The following CNTNAP2 variants were observed in gnomAD, a reference collection of about 807,000 sequenced individuals.
The protein encoded by CNTNAP2 is contactin associated protein 2.
CNTNAP2 carries 98 observed loss-of-function variants against 155.2 expected under a neutral mutation model. The ratio of observed to expected loss-of-function variants is 0.63; its 90% CI spans 0.54 to 0.75. The LOEUF is 0.75. CNTNAP2 is among the 30% of genes least tolerant of loss of function. The pLI is 0.00. For synonymous variants in CNTNAP2, 651 were observed against 631.2 expected, an observed-to-expected ratio of 1.03 and a Z score of -0.47; for missense variants, 1,727 against 1,688.1, an observed-to-expected ratio of 1.02 and a Z score of -0.40.
At chr7:146,295,764 T>A (rs1169552787) in intron 1 of CNTNAP2, among the ~76,000 whole-genome samples, 3 of 151,810 alleles carry the variant, frequency 2.0e-5, no homozygotes, top group African/African-American at 4.8e-5. Flanking sequence ...CAGAAATAAT[T>A]GTTAAAAATG....
chr7:147,756,752 T>C (rs1347057174), intron 13 of CNTNAP2, among the ~76,000 whole-genome samples: 2 of 152,206 alleles, frequency 1.3e-5, no homozygotes, highest in African/African-American at 4.8e-5. Flanking sequence ...AGGCAGGAAA[T>C]CATTTTCTAG....
At chr7:148,367,976 T>C (rs1456561489) in intron 21 of CNTNAP2, among the ~76,000 whole-genome samples, 1 of 152,080 alleles carries the variant, frequency 6.6e-6, no homozygotes, top group African/African-American at 2.4e-5. Flanking sequence ...ACAGCGAGCA[T>C]TGTCAGAGCT....
intron 18 of CNTNAP2, among the ~76,000 whole-genome samples, chr7:148,185,429 A>G (rs956041617): frequency 6.6e-6 from 1 of 152,212 alleles, no homozygotes; most frequent in Non-Finnish European, 1.5e-5. Context: ...TGAGTATCTT[A>G]TAGAGTTTCA....
At chr7:147,798,848 A>G (rs966791627) in intron 13 of CNTNAP2, among the ~76,000 whole-genome samples, 2 of 152,212 alleles carry the variant, frequency 1.3e-5, no homozygotes, top group Non-Finnish European at 1.5e-5. Flanking sequence ...AACACTGAAC[A>G]TAGTAACTGA....
rs75995017 is a variant in CNTNAP2, at chr7:148,411,847, A to T, written c.3796+2376A>T. On this transcript the variant is annotated intron_variant, in intron 23 of 23. Coordinates refer to ENST00000361727, the MANE Select transcript of CNTNAP2 (RefSeq NM_014141.6). ...CTTGGCACTTTTGTTAAAGCAACTGACATATGTGTGTGTGTGTGTGTGTGT... is the reference window on the plus strand; with the variant it reads ...CTTGGCACTTTTGTTAAAGCAACTGTCATATGTGTGTGTGTGTGTGTGTGT... Among the ~76,000 whole-genome samples the T allele has an allele frequency of 8.6e-4, 116 of 134,150 alleles. 1 individual carries two copies. The East Asian group carries it at 0.021, about 24-fold the overall frequency. The allele number at this position is 134,150 out of a possible 152,430, so 88.0% of individuals were successfully genotyped here. A position where few individuals can be genotyped will look rare whatever the true frequency, so the allele number is the denominator to read the frequency against.
At chr7:146,575,018 G>T in intron 1 of CNTNAP2, among the ~76,000 whole-genome samples, 1 of 152,092 alleles carries the variant, frequency 6.6e-6, no homozygotes, top group East Asian at 1.9e-4. Context: ...GTCAGAGATT[G>T]ATAAGTTTTG....
intron 23 of CNTNAP2, among the ~76,000 whole-genome samples, chr7:148,411,413 G>A (rs553968926): frequency 4.6e-5 from 7 of 152,164 alleles, no homozygotes; most frequent in South Asian, 2.1e-4. Context: ...CTACAGGCAC[G>A]CATCACCATG....
intron 3 of CNTNAP2, among the ~76,000 whole-genome samples, chr7:146,884,462 A>G (rs1795616913): frequency 6.6e-6 from 1 of 152,144 alleles, no homozygotes. Flanking sequence ...CTTCTTGGGC[A>G]TCTCGAAACC....
chr7:147,964,252 C>G (rs924563446), intron 14 of CNTNAP2, among the ~76,000 whole-genome samples: 1 of 152,166 alleles, frequency 6.6e-6, no homozygotes, highest in African/African-American at 2.4e-5. Context: ...TGATCTTGGA[C>G]TTCAAGCTTT....
chr7:148,253,655 A>G (rs1051266672), intron 20 of CNTNAP2, among the ~76,000 whole-genome samples: 1 of 152,078 alleles, frequency 6.6e-6, no homozygotes, highest in African/African-American at 2.4e-5. Flanking sequence ...CTCTTCCCAC[A>G]GGGGGTCTGC....
intron 21 of CNTNAP2, among the ~76,000 whole-genome samples, chr7:148,299,442 T>G (rs533700477): frequency 2.0e-5 from 3 of 152,356 alleles, no homozygotes; most frequent in Admixed American, 2.0e-4. Flanking sequence ...CCAGGAAGGC[T>G]GGGCAGAGCC....
intron 2 of CNTNAP2, among the ~76,000 whole-genome samples, chr7:146,835,892 A>G (rs956288858): frequency 6.6e-6 from 1 of 152,132 alleles, no homozygotes; most frequent in African/African-American, 2.4e-5. Flanking sequence ...CTGTGAAGAC[A>G]CCTCAGAGTT....
chr7:148,287,812 T>C (rs1414479524), intron 21 of CNTNAP2, among the ~76,000 whole-genome samples: 4 of 149,308 alleles, frequency 2.7e-5, no homozygotes, highest in African/African-American at 9.8e-5. Flanking sequence ...TTTTTTTGAA[T>C]TGGAGTTTCA....
intron 13 of CNTNAP2, among the ~76,000 whole-genome samples, chr7:147,685,845 T>G (rs966659520): frequency 1.3e-5 from 2 of 151,940 alleles, no homozygotes; most frequent in African/African-American, 4.8e-5. Flanking sequence ...TCATGCTATC[T>G]GTGGGGAAGA....
intron 12 of CNTNAP2, among the ~76,000 whole-genome samples, chr7:147,583,503 CATATATATATATATATATAT>C (rs71183019): frequency 1.5e-5 from 2 of 129,166 alleles, no homozygotes; most frequent in South Asian, 5.0e-4. Context: ...AAAGACATGA[CATATATATATATATATATAT>C]ATATATATAA....
At chr7:147,522,715 C>A (rs1333930826) in intron 11 of CNTNAP2, among the ~76,000 whole-genome samples, 22 of 145,042 alleles carry the variant, frequency 1.5e-4, no homozygotes, top group Non-Finnish European at 2.5e-4. Flanking sequence ...CATTGAGAAA[C>A]ATGGATAGCT....
chr7:148,302,813 C>CTTTTTTTTTTTTTTTTTT (rs59354674), intron 21 of CNTNAP2, among the ~76,000 whole-genome samples: 1 of 86,938 alleles, frequency 1.2e-5, no homozygotes, highest in Non-Finnish European at 2.0e-5. Context: ...CTCGATTATT[C>CTTTTTTTTTTTTTTTTTT]TTTTTTTTTT....
At chr7:148,069,807 T>A (rs1327733246) in intron 15 of CNTNAP2, among the ~76,000 whole-genome samples, 1 of 150,812 alleles carries the variant, frequency 6.6e-6, no homozygotes, top group Non-Finnish European at 1.5e-5. Flanking sequence ...AGGGGACATA[T>A]GCATCTCCAT....
chr7:148,319,070 A>T (rs192984897), intron 21 of CNTNAP2, among the ~76,000 whole-genome samples: 30 of 152,330 alleles, frequency 2.0e-4, no homozygotes, highest in African/African-American at 6.3e-4. Context: ...ATGACCTAAG[A>T]TACTCTTTGT....
Sources: allele counts gnomAD v4.1 joint callset (sites outside exome capture counted in the v4.1 genomes callset), GRCh38; gene constraint gnomAD v4.1.1; transcripts MANE v1.5; gene names NCBI Gene and HGNC (gene_info 2026-07-23, HGNC 2026-07-21).